Variants in CEACAM20 observed in about 807,000 individuals in gnomAD.
CEACAM20 encodes CEA cell adhesion molecule 20, also known as cell adhesion molecule CEACAM20.
Under a neutral mutation model 61.2 loss-of-function variants are expected in CEACAM20, and 50 were observed. The observed-to-expected ratio is 0.82, with a 90% CI of 0.65 to 1.03. The LOEUF (loss-of-function observed/expected upper bound fraction) is 1.03, where lower values mean the gene tolerates loss of function less well. CEACAM20 is among the 50% of genes least tolerant of loss of function. The pLI, the probability that CEACAM20 is intolerant of heterozygous loss-of-function variation, is 0.00. For synonymous variants in CEACAM20, 282 were observed against 287.7 expected (o/e 0.98, Z 0.20); for missense variants, 683 against 736.4 (o/e 0.93, Z 0.84).
At chr19:44,528,416 C>T (rs1334924926) in intron 1 of CEACAM20, among the ~76,000 whole-genome samples, 1 of 151,990 alleles carries the variant, frequency 6.6e-6, no homozygotes, top group African/African-American at 2.4e-5. Context: ...TTAGTAGAGA[C>T]GGTTTCACCA....
At chr19:44,520,410 G>T (rs1971317306) in intron 5 of CEACAM20, 64 bp downstream of exon 5, 1 of 1,561,192 alleles carries the variant, frequency 6.4e-7, no homozygotes, top group Non-Finnish European at 8.7e-7. Context: ...TGACTAGAAG[G>T]AAGAACTTAA....
intron 11 of CEACAM20, among the ~76,000 whole-genome samples, chr19:44,508,660 G>T (rs887671501): frequency 2.0e-5 from 3 of 152,158 alleles, no homozygotes; most frequent in Non-Finnish European, 2.9e-5. Flanking sequence ...AAAGTGCTGG[G>T]ATTACAGGCG....
intron 4 of CEACAM20, among the ~76,000 whole-genome samples, chr19:44,521,038 T>C (rs1359371821): frequency 6.6e-6 from 1 of 152,126 alleles, no homozygotes; most frequent in Non-Finnish European, 1.5e-5. Context: ...GTTGGGTGTA[T>C]GTGTTGAATA....
rs1230667044 is a variant in CEACAM20, at chr19:44,522,835, T to C, written c.550A>G (p.Ser184Gly). ...TTTGTTTCCGCTAAGAAGGTCATGC[T>C]GGAGCCCTCCATCACCTCAACCACC... ...GEVVEVMEGS[S>G]MTFLAETKSH... The change falls in exon 4 of 12, where the codon AGC becomes GGC. Residue 184 changes from serine (S) to glycine (G), a missense_variant. By Grantham distance (56) the Ser-to-Gly change is moderately conservative. Transcript: ENST00000614924. 1 of 1,612,246 alleles carries C rather than the reference T, an allele frequency of 6.2e-7. No homozygotes were observed. The highest frequency in any genetic ancestry group is 1.7e-5 in the Admixed American group (1 of 59,660).
At chr19:44,516,658 T>C (rs1226724736) in intron 6 of CEACAM20, among the ~76,000 whole-genome samples, 1 of 152,218 alleles carries the variant, frequency 6.6e-6, no homozygotes, top group Non-Finnish European at 1.5e-5. Context: ...CATGTCTTTA[T>C]CAGCAGCATG....
intron 1 of CEACAM20, among the ~76,000 whole-genome samples, chr19:44,526,765 T>C (rs927918298): frequency 6.6e-6 from 1 of 151,162 alleles, no homozygotes; most frequent in African/African-American, 2.4e-5. Flanking sequence ...CCTCAGCTAC[T>C]TGGGAGGCTG....
intron 6 of CEACAM20, 75 bp downstream of exon 6, chr19:44,516,871 G>T: frequency 1.3e-6 from 2 of 1,504,254 alleles, no homozygotes; most frequent in African/African-American, 1.4e-5. Flanking sequence ...CTCGGTAGGG[G>T]TAGACTAGGT....
intron 11 of CEACAM20, among the ~76,000 whole-genome samples, chr19:44,508,535 GC>G (rs1277220579): frequency 6.6e-6 from 1 of 152,100 alleles, no homozygotes; most frequent in African/African-American, 2.4e-5. Context: ...GATTACAGGT[GC>G]CTGCCACCAT....
rs570512029 is a variant in CEACAM20 at position 44,524,364 on chromosome 19, G to A, written c.197-103C>T. Reference sequence around the variant, plus strand: ...AGAGAAACAGGACTAGATTGGAATTGCCAGAAGACTCTCTGGAGTTGGATG... The same window carrying A: ...AGAGAAACAGGACTAGATTGGAATTACCAGAAGACTCTCTGGAGTTGGATG... On this transcript the variant is annotated intron_variant, in intron 2 of 11. Coordinates refer to ENST00000614924, the MANE Select transcript of CEACAM20 (RefSeq NM_001102597.3). The A allele has an allele frequency of 4.7e-6, 6 of 1,266,856 alleles. No individual in the cohort carries two copies. The African/African-American group carries it at 8.9e-5, about 19-fold the overall frequency. The allele number at this position is 1,266,856 out of a possible 1,614,324, so 78.5% of individuals were successfully genotyped here. A position where few individuals can be genotyped will look rare whatever the true frequency, so the allele number is the denominator to read the frequency against.
At chr19:44,510,358 CA>C (rs1254600153) in intron 11 of CEACAM20, among the ~76,000 whole-genome samples, 1 of 151,646 alleles carries the variant, frequency 6.6e-6, no homozygotes, top group Non-Finnish European at 1.5e-5. Flanking sequence ...CCAAAAAATA[CA>C]AAAATTAGCT....
intron 8 of CEACAM20, among the ~76,000 whole-genome samples, chr19:44,512,468 T>C (rs1971030928): frequency 6.6e-6 from 1 of 152,158 alleles, no homozygotes; most frequent in Non-Finnish European, 1.5e-5. Context: ...GCAAATACGT[T>C]TCATTTTGTC....
chr19:44,519,029 G>C (rs564447724), intron 5 of CEACAM20, among the ~76,000 whole-genome samples: 1 of 152,134 alleles, frequency 6.6e-6, no homozygotes, highest in East Asian at 1.9e-4. Context: ...TTCCATCCTT[G>C]TTACACTCTC....
chr19:44,526,157 G>T (rs948471451), intron 1 of CEACAM20, among the ~76,000 whole-genome samples: 4 of 152,152 alleles, frequency 2.6e-5, no homozygotes, highest in African/African-American at 4.8e-5. Context: ...TACTTCCTCT[G>T]ATGTGCCCCA....
At chr19:44,522,126 A>G (rs1971384315) in intron 4 of CEACAM20, among the ~76,000 whole-genome samples, 1 of 150,368 alleles carries the variant, frequency 6.7e-6, no homozygotes, top group Non-Finnish European at 1.5e-5. Context: ...TTTTTTTTAG[A>G]CAGAGTCTTG....
chr19:44,514,967 T>A (rs1235380), intron 6 of CEACAM20, among the ~76,000 whole-genome samples: 31,602 of 151,756 alleles, frequency 0.21, 4,342 homozygotes, highest in African/African-American at 0.37. Context: ...GCCTCCCGAG[T>A]AGTGTGATTA....
intron 6 of CEACAM20, among the ~76,000 whole-genome samples, chr19:44,515,800 C>CA (rs942927776): frequency 2.6e-5 from 4 of 151,856 alleles, no homozygotes; most frequent in African/African-American, 7.3e-5. Context: ...CCCGTCTCTA[C>CA]AAAAAAATAT....
intron 5 of CEACAM20, among the ~76,000 whole-genome samples, chr19:44,518,119 G>A (rs971889244): frequency 0.085 from 4,180 of 49,366 alleles, 259 homozygotes; most frequent in African/African-American, 0.29. Context: ...AGGAAGGAAG[G>A]AAGGAAGGAA....
intron 6 of CEACAM20, among the ~76,000 whole-genome samples, chr19:44,514,818 T>TTAA (rs1971107068): frequency 6.6e-6 from 1 of 151,882 alleles, no homozygotes; most frequent in African/African-American, 2.4e-5. Context: ...ATAGACTTTT[T>TTAA]AAAATTTTTT....
intron 1 of CEACAM20, among the ~76,000 whole-genome samples, chr19:44,527,226 T>G (rs769261000): frequency 1.3e-5 from 2 of 152,176 alleles, no homozygotes; most frequent in Non-Finnish European, 2.9e-5. Context: ...ATATCAAATG[T>G]GGCATGCTTA....
Sources: allele counts gnomAD v4.1 joint callset (sites outside exome capture counted in the v4.1 genomes callset), GRCh38; gene constraint gnomAD v4.1.1; transcripts MANE v1.5; gene names NCBI Gene and HGNC (gene_info 2026-07-23, HGNC 2026-07-21).